The following DENND1A variants were observed in gnomAD, a reference collection of about 807,000 sequenced individuals.
DENND1A encodes the protein DENN domain containing 1A, also known as DENN domain-containing protein 1A.
In DENND1A, 51 loss-of-function variants were observed where a neutral mutation model predicts 113.7. The ratio of observed to expected loss-of-function variants is 0.45; its 90% confidence interval spans 0.36 to 0.57. The LOEUF (loss-of-function observed/expected upper bound fraction) is 0.57. Among genes scored for constraint, DENND1A ranks in the 20% least tolerant of loss-of-function variants. The pLI is 0.00. For synonymous variants in DENND1A, 565 were observed against 570.8 expected (o/e 0.99, Z 0.14); for missense variants, 1,258 against 1,395.9 (o/e 0.90, Z 1.57).
chr9:123,407,555 C>CT (rs1346710573), intron 20 of DENND1A, among the ~76,000 whole-genome samples: 1 of 152,110 alleles, frequency 6.6e-6, no homozygotes, highest in Non-Finnish European at 1.5e-5. Flanking sequence ...GCAGACAAGT[C>CT]TTGTCATATT....
At chr9:123,630,165 T>A (rs963217373) in intron 10 of DENND1A, among the ~76,000 whole-genome samples, 2 of 150,312 alleles carry the variant, frequency 1.3e-5, no homozygotes, top group Non-Finnish European at 3.0e-5. Flanking sequence ...CTCAGCCTCC[T>A]GAGTAGCTGG....
At chr9:123,900,992 T>A (rs939037286) in intron 1 of DENND1A, among the ~76,000 whole-genome samples, 11 of 152,076 alleles carry the variant, frequency 7.2e-5, no homozygotes, top group African/African-American at 2.7e-4. Context: ...TTCAAAAGAG[T>A]TCAATAAATT....
Position 123,696,374 on chromosome 9 carries a change from T to C in DENND1A, c.303-19585A>G, listed in dbSNP as rs1443840812. 4.6e-5 allele frequency among the ~76,000 whole-genome samples: 7 copies of C among 152,342 alleles called. No homozygotes were observed. The East Asian group carries it at 9.6e-4, about 21-fold the overall frequency. On this transcript the variant is annotated intron_variant, in intron 5 of 23. Transcript: ENST00000394215. ...AACTTTTTTCTTTACTGCTGTACAA[T>C]ATACTCCACTGCCACTGTGAATGCA... is the stretch of plus-strand genomic sequence containing the variant.
intron 10 of DENND1A, among the ~76,000 whole-genome samples, chr9:123,611,408 C>T (rs1387064071): frequency 1.3e-5 from 2 of 152,146 alleles, no homozygotes; most frequent in Non-Finnish European, 2.9e-5. Context: ...TTCAGGAACA[C>T]GACAGCTTCA....
chr9:123,426,591 C>T (rs1237687943), intron 19 of DENND1A, among the ~76,000 whole-genome samples: 1 of 152,148 alleles, frequency 6.6e-6, no homozygotes, highest in African/African-American at 2.4e-5. Context: ...GAGGACCAAA[C>T]ACAGGTCCTA....
intron 5 of DENND1A, among the ~76,000 whole-genome samples, chr9:123,705,000 C>A (rs912376569): frequency 2.0e-5 from 3 of 151,472 alleles, no homozygotes; most frequent in Admixed American, 2.0e-4. Flanking sequence ...GAAAAAGAAG[C>A]ATCAAAAGTC....
At chr9:123,885,940 C>T (rs556919351) in intron 1 of DENND1A, among the ~76,000 whole-genome samples, 60 of 152,160 alleles carry the variant, frequency 3.9e-4, no homozygotes, top group African/African-American at 1.1e-3. Context: ...CCACCATGTC[C>T]GGGATTTTTG....
intron 11 of DENND1A, among the ~76,000 whole-genome samples, chr9:123,601,450 T>C (rs1257991916): frequency 1.3e-5 from 2 of 152,176 alleles, no homozygotes; most frequent in African/African-American, 4.8e-5. Flanking sequence ...ATCCAGGGCC[T>C]TCCTCGAGGC....
chr9:123,467,095 A>G (rs2049020100), intron 13 of DENND1A, among the ~76,000 whole-genome samples: 1 of 152,108 alleles, frequency 6.6e-6, no homozygotes. Context: ...AAAACAAAAC[A>G]AAAAAACATT....
At position 123,578,741 on chromosome 9, in the gene DENND1A, A is replaced by C. The variant is rs534424261; in HGVS notation, c.867+4428T>G. 2.0e-5 allele frequency among the ~76,000 whole-genome samples: 3 copies of C among 152,344 alleles called. No homozygotes were observed. The South Asian group carries it at 6.2e-4, about 32-fold the overall frequency. On this transcript the variant is annotated intron_variant, in intron 12 of 23. Transcript: ENST00000394215. ...ACTGACAAGTAAAAGGGAAATGGGC[A>C]ATAAATCAGTACAATTACACAAGGT...
intron 13 of DENND1A, among the ~76,000 whole-genome samples, chr9:123,518,717 T>G (rs1368688832): frequency 6.6e-6 from 1 of 152,064 alleles, no homozygotes; most frequent in Non-Finnish European, 1.5e-5. Flanking sequence ...CTCTTTCCTC[T>G]CCATTTCCAC....
chr9:123,461,388 T>A (rs17284397), intron 13 of DENND1A, among the ~76,000 whole-genome samples: 1 of 152,108 alleles, frequency 6.6e-6, no homozygotes, highest in Non-Finnish European at 1.5e-5. Flanking sequence ...ACGAAATGAG[T>A]TGAACCCTGC....
At chr9:123,928,599 A>C in intron 1 of DENND1A, 1 of 985,444 alleles carries the variant, frequency 1.0e-6, no homozygotes, top group Non-Finnish European at 1.2e-6. Context: ...CATTACCATA[A>C]GCAAACTTTT....
At chr9:123,786,496 G>C (rs964746141) in intron 3 of DENND1A, among the ~76,000 whole-genome samples, 1 of 152,152 alleles carries the variant, frequency 6.6e-6, no homozygotes, top group African/African-American at 2.4e-5. Context: ...TAGGCAGTAA[G>C]TTCCTTCAAG....
chr9:123,848,144 G>C (rs1470767831), intron 2 of DENND1A, among the ~76,000 whole-genome samples: 1 of 133,048 alleles, frequency 7.5e-6, no homozygotes, highest in Non-Finnish European at 1.6e-5. Flanking sequence ...GCCAATTAAA[G>C]TTAAATAAAC....
intron 8 of DENND1A, among the ~76,000 whole-genome samples, chr9:123,656,640 AATAAAGG>A (rs1052790373): frequency 6.6e-6 from 1 of 152,168 alleles, no homozygotes; most frequent in African/African-American, 2.4e-5. Flanking sequence ...CCATTCTTTT[AATAAAGG>A]ATAAATCCTC....
rs539747284 is a variant in DENND1A at position 123,459,561 on chromosome 9, G to A, written c.994-1664C>T. ...AGTTAAAAAAAAAAAAATCCTATCCGTATAGAGCTAACACCTCACTTTTTC... is the reference window on the plus strand; with the variant it reads ...AGTTAAAAAAAAAAAAATCCTATCCATATAGAGCTAACACCTCACTTTTTC... On this transcript the variant is annotated intron_variant, in intron 13 of 23. Coordinates refer to ENST00000394215, the MANE Select transcript of DENND1A (RefSeq NM_001352964.2). 1.1e-3 allele frequency among the ~76,000 whole-genome samples: 160 copies of A among 151,738 alleles called. 1 individual carries two copies. The highest frequency in any genetic ancestry group is 3.6e-3 in the African/African-American group (150 of 41,354).
At chr9:123,862,099 A>G (rs1265805350) in intron 2 of DENND1A, among the ~76,000 whole-genome samples, 12 of 152,220 alleles carry the variant, frequency 7.9e-5, no homozygotes. Context: ...CTAATAAAAA[A>G]AAATTTTTTT....
intron 13 of DENND1A, among the ~76,000 whole-genome samples, chr9:123,536,546 C>T (rs2055791787): frequency 6.6e-6 from 1 of 151,644 alleles, no homozygotes; most frequent in African/African-American, 2.4e-5. Context: ...ACAGCTTCTA[C>T]AAGTGGAAGT....
Sources: gnomAD v4.1 joint callset for allele counts (sites outside exome capture counted in the v4.1 genomes callset) on GRCh38, gnomAD v4.1.1 for gene constraint, MANE v1.5 for transcripts, NCBI Gene and HGNC (gene_info 2026-07-23, HGNC 2026-07-21) for gene names.